The following GPR89A variants were observed in gnomAD, a reference collection of about 807,000 sequenced individuals.
GPR89A encodes the protein G protein-coupled receptor 89A.
A neutral mutation model predicts 52.0 loss-of-function variants in GPR89A; 16 were observed. The observed-to-expected ratio is 0.31, with a 90% CI of 0.21 to 0.47. GPR89A has a LOEUF of 0.47. Among genes scored for constraint, GPR89A ranks in the 20% least tolerant of loss-of-function variants. The probability of loss-of-function intolerance (pLI) is 1.00; values close to 1 mark genes in which losing one functional copy is unlikely to be tolerated. For missense variants in GPR89A, 135 were observed against 449.4 expected, an observed-to-expected ratio of 0.30 and a Z score of 6.33; for synonymous variants, 55 against 150.9, an observed-to-expected ratio of 0.36 and a Z score of 4.66.
At chr1:145,657,110 T>C (rs1277748167) in intron 10 of GPR89A, among the ~76,000 whole-genome samples, 12 of 151,176 alleles carry the variant, frequency 7.9e-5, no homozygotes, top group Admixed American at 6.6e-4. Flanking sequence ...AATGTTTGCA[T>C]TGTCTGAGCA....
intron 10 of GPR89A, among the ~76,000 whole-genome samples, chr1:145,657,879 A>G (rs1651915797): frequency 6.6e-6 from 1 of 150,660 alleles, no homozygotes; most frequent in Middle Eastern, 3.4e-3. Flanking sequence ...TTCACATACA[A>G]TACAATATAC....
At chr1:145,622,946 A>G in intron 3 of GPR89A, 108 bp from the exon 4 acceptor site, 2 of 1,552,258 alleles carry the variant, frequency 1.3e-6, no homozygotes, top group Non-Finnish European at 1.7e-6. Flanking sequence ...TAGATAGGAT[A>G]TATTCAATAT....
intron 1 of GPR89A, among the ~76,000 whole-genome samples, chr1:145,610,928 C>A (rs1648221043): frequency 1.3e-5 from 2 of 151,986 alleles, no homozygotes; most frequent in South Asian, 4.1e-4. Flanking sequence ...TGTTTTGAGC[C>A]CTCTATACCG....
intron 10 of GPR89A, among the ~76,000 whole-genome samples, chr1:145,648,966 G>A (rs771550622): frequency 4.6e-5 from 7 of 151,418 alleles, no homozygotes; most frequent in South Asian, 2.1e-4. Flanking sequence ...CACAATGCCC[G>A]GCTAATTTTT....
rs1650682311 is a variant in GPR89A, at chr1:145,641,932, T to C, written c.618-1937T>C. ...CCTTCTTAAATATATGATCATTTCTTTTTCATCTACAACTTATTTGATAAG... is the reference window on the plus strand; with the variant it reads ...CCTTCTTAAATATATGATCATTTCTCTTTCATCTACAACTTATTTGATAAG... On this transcript the variant is annotated intron_variant, in intron 7 of 13. Transcript: ENST00000313835. 2.0e-5 allele frequency among the ~76,000 whole-genome samples: 3 copies of C among 152,254 alleles called. No individual in the cohort carries two copies. In the South Asian group the frequency reaches 6.2e-4, roughly 32 times the overall value.
intron 10 of GPR89A, among the ~76,000 whole-genome samples, chr1:145,648,470 C>G (rs1571521221): frequency 1.5e-5 from 2 of 135,536 alleles, no homozygotes; most frequent in East Asian, 4.4e-4. Flanking sequence ...TAAGATGCAG[C>G]CTTTAGGGAA....
At chr1:145,624,529 C>A (rs1156978007) in intron 5 of GPR89A, among the ~76,000 whole-genome samples, 2 of 150,734 alleles carry the variant, frequency 1.3e-5, no homozygotes, top group Non-Finnish European at 2.9e-5. Context: ...TATATATATA[C>A]CTCTTTATTC....
intron 12 of GPR89A, 124 bp downstream of exon 12, chr1:145,665,775 A>G (rs1652512640): frequency 5.7e-6 from 3 of 528,650 alleles, no homozygotes; most frequent in Admixed American, 3.3e-5. Context: ...TGGGTGGATC[A>G]CGAGGTCAGG....
At chr1:145,659,450 G>A (rs587705794) in intron 10 of GPR89A, among the ~76,000 whole-genome samples, 1 of 152,096 alleles carries the variant, frequency 6.6e-6, no homozygotes, top group East Asian at 1.9e-4. Context: ...CTCCCAAAGT[G>A]CTAGGATTAC....
chr1:145,643,623 C>A (rs1294537995), intron 7 of GPR89A, among the ~76,000 whole-genome samples: 7 of 151,960 alleles, frequency 4.6e-5, no homozygotes, highest in Non-Finnish European at 4.4e-5. Flanking sequence ...TCCCAGCTTC[C>A]AAATAGCAGA....
chr1:145,666,368 A>G (rs1190491900), intron 12 of GPR89A, among the ~76,000 whole-genome samples: 2 of 151,396 alleles, frequency 1.3e-5, no homozygotes, highest in African/African-American at 4.9e-5. Context: ...AATGTCATCA[A>G]TAAGTTCTTG....
At chr1:145,647,023 G>A (rs1336391093) in intron 9 of GPR89A, 152 bp from the exon 10 acceptor site, 5 of 1,167,904 alleles carry the variant, frequency 4.3e-6, no homozygotes, top group Admixed American at 5.8e-5. Context: ...TTCAGTAAAT[G>A]CTGGCCACAA....
chr1:145,629,309 A>G (rs1553689465), intron 5 of GPR89A, among the ~76,000 whole-genome samples: 2 of 152,192 alleles, frequency 1.3e-5, no homozygotes, highest in African/African-American at 4.8e-5. Flanking sequence ...AAAACAGCCC[A>G]TAAAACAAAG....
intron 7 of GPR89A, among the ~76,000 whole-genome samples, chr1:145,635,333 G>A (rs587596969): frequency 8.0e-4 from 122 of 152,230 alleles, no homozygotes; most frequent in African/African-American, 2.8e-3. Context: ...GTGAACCCAG[G>A]AGGCGGAGCT....
chr1:145,624,869 T>G (rs1553688788), intron 5 of GPR89A, among the ~76,000 whole-genome samples: 2 of 141,742 alleles, frequency 1.4e-5, no homozygotes, highest in East Asian at 2.0e-4. Flanking sequence ...GGGCCGGGTT[T>G]TTTGGTGAAA....
intron 7 of GPR89A, among the ~76,000 whole-genome samples, chr1:145,635,466 T>G (rs1650171581): frequency 6.6e-6 from 1 of 152,172 alleles, no homozygotes; most frequent in Non-Finnish European, 1.5e-5. Flanking sequence ...TTGTCTCTAT[T>G]TCTGCATGTC....
intron 1 of GPR89A, among the ~76,000 whole-genome samples, chr1:145,609,009 T>C (rs1431331889): frequency 6.6e-6 from 1 of 152,182 alleles, no homozygotes; most frequent in Non-Finnish European, 1.5e-5. Flanking sequence ...ATTTTGTTTT[T>C]TGAGATCCTG....
chr1:145,619,235 GA>G (rs1409160563), intron 3 of GPR89A, among the ~76,000 whole-genome samples: 2 of 147,990 alleles, frequency 1.4e-5, no homozygotes, highest in African/African-American at 5.0e-5. Context: ...AATCAGAGTT[GA>G]AAACGAAATT....
chr1:145,615,222 T>A (rs1458484967), intron 1 of GPR89A, among the ~76,000 whole-genome samples: 1 of 152,234 alleles, frequency 6.6e-6, no homozygotes, highest in Non-Finnish European at 1.5e-5. Flanking sequence ...TTAGGCAGGA[T>A]GGTGGAGAAG....
Sources: allele counts gnomAD v4.1 joint callset (sites outside exome capture counted in the v4.1 genomes callset), GRCh38; gene constraint gnomAD v4.1.1; transcripts MANE v1.5; gene names NCBI Gene and HGNC (gene_info 2026-07-23, HGNC 2026-07-21).